The following ATP2B2 variants were observed in gnomAD, a reference collection of about 807,000 sequenced individuals.
The protein encoded by ATP2B2 is ATPase plasma membrane Ca2+ transporting 2.
Under a neutral mutation model 120.0 loss-of-function variants are expected in ATP2B2, and 15 were observed. The ratio of observed to expected loss-of-function variants is 0.12; its 90% CI spans 0.08 to 0.19. The LOEUF (loss-of-function observed/expected upper bound fraction) is 0.19. Ranked by LOEUF, ATP2B2 falls within the 10% of genes least tolerant of loss-of-function variation. The pLI, the probability that ATP2B2 is intolerant of heterozygous loss-of-function variation, is 1.00. For missense variants in ATP2B2, 1,045 were observed against 1,719.8 expected (o/e 0.61, Z 6.94); for synonymous variants, 694 against 700.3 (o/e 0.99, Z 0.14).
chr3:10,492,354 A>T (rs544975847), intron 1 of ATP2B2, among the ~76,000 whole-genome samples: 11 of 152,268 alleles, frequency 7.2e-5, no homozygotes, highest in African/African-American at 2.4e-4. Context: ...CCTGGCCCCC[A>T]AACCCCTCAT....
intron 2 of ATP2B2, among the ~76,000 whole-genome samples, chr3:10,538,145 T>C (rs551732154): frequency 8.5e-5 from 13 of 152,350 alleles, no homozygotes; most frequent in African/African-American, 3.1e-4. Flanking sequence ...ATGATAATAG[T>C]AGCTCCTTAA....
At chr3:10,511,428 T>C (rs1251479684) in intron 3 of ATP2B2, among the ~76,000 whole-genome samples, 1 of 152,226 alleles carries the variant, frequency 6.6e-6, no homozygotes, top group Non-Finnish European at 1.5e-5. Flanking sequence ...TAAATATTGA[T>C]TGAACTGATA....
At chr3:10,330,555 C>T (rs1179713901) in intron 22 of ATP2B2, among the ~76,000 whole-genome samples, 4 of 152,250 alleles carry the variant, frequency 2.6e-5, no homozygotes, top group Non-Finnish European at 4.4e-5. Context: ...GCGGCGTTGG[C>T]GCCTCCAGGA....
chr3:10,557,739 C>T (rs756836257), intron 2 of ATP2B2, among the ~76,000 whole-genome samples: 2 of 152,164 alleles, frequency 1.3e-5, no homozygotes, highest in Non-Finnish European at 2.9e-5. Context: ...TATCTTTCAC[C>T]CACTGTCATT....
At chr3:10,613,420 G>A (rs931348081) in intron 2 of ATP2B2, among the ~76,000 whole-genome samples, 1 of 152,120 alleles carries the variant, frequency 6.6e-6, no homozygotes, top group African/African-American at 2.4e-5. Flanking sequence ...GGGCAGCTTG[G>A]GGACCCTCCT....
At chr3:10,355,836 GGCCGAGGCGGGCGGA>G (rs1421050799) in intron 14 of ATP2B2, among the ~76,000 whole-genome samples, 2 of 34,828 alleles carry the variant, frequency 5.7e-5, no homozygotes, top group Admixed American at 3.2e-4. Context: ...CACTTTGGGA[GGCCGAGGCGGGCGGA>G]TCACGAGGTC....
chr3:10,700,578 C>T (rs1466771600), intron 1 of ATP2B2, among the ~76,000 whole-genome samples: 2 of 152,110 alleles, frequency 1.3e-5, no homozygotes, highest in Non-Finnish European at 2.9e-5. Context: ...ATTTTGTGTT[C>T]GTAATACCTC....
intron 2 of ATP2B2, among the ~76,000 whole-genome samples, chr3:10,554,939 C>T (rs2067746951): frequency 6.6e-6 from 1 of 152,156 alleles, no homozygotes; most frequent in Non-Finnish European, 1.5e-5. Flanking sequence ...CTTCTAGGCC[C>T]CTTCCCTGCC....
chr3:10,391,661 G>A (rs766217675), intron 5 of ATP2B2, among the ~76,000 whole-genome samples: 2 of 152,184 alleles, frequency 1.3e-5, no homozygotes, highest in African/African-American at 4.8e-5. Flanking sequence ...GTGTCCTCCA[G>A]AGCTGAGCAA....
At chr3:10,518,666 T>G (rs1048780812) in intron 3 of ATP2B2, among the ~76,000 whole-genome samples, 5 of 152,232 alleles carry the variant, frequency 3.3e-5, no homozygotes, top group Non-Finnish European at 7.3e-5. Flanking sequence ...CCTGGCCTAG[T>G]TACAGAGCCC....
intron 1 of ATP2B2, among the ~76,000 whole-genome samples, chr3:10,665,811 G>T (rs2070915746): frequency 6.6e-6 from 1 of 152,184 alleles, no homozygotes; most frequent in Non-Finnish European, 1.5e-5. Context: ...GGATAAGCTG[G>T]TATCAGAGCT....
chr3:10,683,760 G>GTGCATA (rs1446781892), intron 1 of ATP2B2, among the ~76,000 whole-genome samples: 1 of 53,914 alleles, frequency 1.9e-5, no homozygotes, highest in South Asian at 9.5e-4. Flanking sequence ...GTGTGTGTGT[G>GTGCATA]TATATATATA....
chr3:10,639,185 C>T lies in ATP2B2; in HGVS notation c.-459-19224G>A, dbSNP rs183307132. Reference sequence around the variant, plus strand: ...CATCAAAATTTAAAACTTCTGCTCTCGGAAAGACACTATTAAGAAAATGAA... The same window carrying T: ...CATCAAAATTTAAAACTTCTGCTCTTGGAAAGACACTATTAAGAAAATGAA... On this transcript the variant is annotated intron_variant, in intron 1 of 21. Transcript: ENST00000646379. Among the ~76,000 whole-genome samples the T allele has an allele frequency of 8.5e-5, 13 of 152,222 alleles. No homozygotes were observed. The East Asian group carries it at 1.5e-3, about 18-fold the overall frequency.
At chr3:10,524,965 G>A (rs1215192649) in intron 3 of ATP2B2, among the ~76,000 whole-genome samples, 1 of 152,198 alleles carries the variant, frequency 6.6e-6, no homozygotes, top group African/African-American at 2.4e-5. Flanking sequence ...CCCCTGTGCT[G>A]GGCATGGGAG....
intron 2 of ATP2B2, among the ~76,000 whole-genome samples, chr3:10,578,834 T>A (rs866511992): frequency 6.6e-6 from 1 of 152,112 alleles, no homozygotes; most frequent in South Asian, 2.1e-4. Flanking sequence ...GCGATTCCAT[T>A]TATATGAGGT....
chr3:10,528,723 T>A (rs1181000061), intron 3 of ATP2B2, among the ~76,000 whole-genome samples: 2 of 152,248 alleles, frequency 1.3e-5, no homozygotes, highest in African/African-American at 4.8e-5. Flanking sequence ...GTTTGACAAA[T>A]AGCAGAACAT....
chr3:10,707,794 T>TC (rs1167694421), intron 1 of ATP2B2: 1 of 151,700 alleles, frequency 6.6e-6, no homozygotes, highest in Non-Finnish European at 1.5e-5. Flanking sequence ...GCTCCCGCCC[T>TC]GGCCCGGCGG....
chr3:10,432,526 TGCA>T (rs1246419350), intron 2 of ATP2B2, among the ~76,000 whole-genome samples: 1 of 152,260 alleles, frequency 6.6e-6, no homozygotes, highest in African/African-American at 2.4e-5. Flanking sequence ...TCGCATTAAC[TGCA>T]GCGGTTGAAA....
At chr3:10,513,580 G>A (rs1245438815) in intron 3 of ATP2B2, among the ~76,000 whole-genome samples, 4 of 152,132 alleles carry the variant, frequency 2.6e-5, no homozygotes, top group Admixed American at 1.3e-4. Flanking sequence ...CTTGCCTTCC[G>A]CAGGTCCTAT....
Sources: allele counts gnomAD v4.1 joint callset (sites outside exome capture counted in the v4.1 genomes callset), GRCh38; gene constraint gnomAD v4.1.1; transcripts MANE v1.5; gene names NCBI Gene and HGNC (gene_info 2026-07-23, HGNC 2026-07-21).